Variants in AP3B1 observed in about 807,000 individuals in gnomAD.
The protein encoded by AP3B1 is adaptor related protein complex 3 subunit beta 1, also known as AP-3 complex subunit beta-1.
AP3B1 carries 61 observed loss-of-function variants against 132.5 expected under a neutral mutation model. That is an observed-to-expected ratio of 0.46 (90% confidence interval 0.37 to 0.57). The LOEUF is 0.57. Among genes scored for constraint, AP3B1 ranks in the 20% least tolerant of loss-of-function variants. The pLI, the probability that AP3B1 is intolerant of heterozygous loss-of-function variation, is 0.00. For synonymous variants in AP3B1, 388 were observed against 438.3 expected (o/e 0.89, Z 1.43); for missense variants, 1,120 against 1,289.4 (o/e 0.87, Z 2.01).
chr5:78,271,857 C>A (rs1009363451), intron 1 of AP3B1, among the ~76,000 whole-genome samples: 11 of 152,162 alleles, frequency 7.2e-5, no homozygotes, highest in African/African-American at 2.7e-4. Flanking sequence ...ATATTTTACC[C>A]CAAAATATGC....
At chr5:78,064,615 AT>A (rs1749202675) in intron 22 of AP3B1, among the ~76,000 whole-genome samples, 1 of 152,154 alleles carries the variant, frequency 6.6e-6, no homozygotes, top group Admixed American at 6.5e-5. Flanking sequence ...TGTGCTTTAA[AT>A]TTTTAGATCT....
At chr5:78,209,098 A>G (rs1289714809) in intron 7 of AP3B1, among the ~76,000 whole-genome samples, 3 of 150,490 alleles carry the variant, frequency 2.0e-5, no homozygotes, top group African/African-American at 7.3e-5. Context: ...AGGTAAATAC[A>G]CACACACACA....
chr5:78,118,514 C>A (rs761421477), intron 17 of AP3B1, among the ~76,000 whole-genome samples: 1 of 146,610 alleles, frequency 6.8e-6, no homozygotes, highest in Non-Finnish European at 1.5e-5. Context: ...AAACGGCACA[C>A]CAGGAGATTA....
chr5:78,018,576 A>G (rs1252540527), intron 25 of AP3B1, among the ~76,000 whole-genome samples: 2 of 152,030 alleles, frequency 1.3e-5, no homozygotes, highest in African/African-American at 4.8e-5. Flanking sequence ...CACATTTAAC[A>G]TACTTCTTGA....
At chr5:78,276,884 AAGAAG>A in intron 1 of AP3B1, among the ~76,000 whole-genome samples, 2 of 92,744 alleles carry the variant, frequency 2.2e-5, no homozygotes, top group Non-Finnish European at 2.9e-5. Flanking sequence ...AAAAAAAAAG[AAGAAG>A]AAGCAAATTT....
intron 23 of AP3B1, among the ~76,000 whole-genome samples, chr5:78,035,096 G>A (rs1000052093): frequency 6.6e-6 from 1 of 151,758 alleles, no homozygotes; most frequent in Non-Finnish European, 1.5e-5. Flanking sequence ...AATTTCAGAA[G>A]CTTCATCTAT....
At chr5:78,250,685 A>C (rs1747592509) in intron 2 of AP3B1, among the ~76,000 whole-genome samples, 1 of 152,192 alleles carries the variant, frequency 6.6e-6, no homozygotes, top group Non-Finnish European at 1.5e-5. Context: ...TGAATAAATT[A>C]TATGGGGAAA....
chr5:78,177,526 G>C, intron 8 of AP3B1, 90 bp from the exon 9 acceptor site: 1 of 975,488 alleles, frequency 1.0e-6, no homozygotes, highest in African/African-American at 1.6e-5. Flanking sequence ...TTTCCTCTAA[G>C]TCCTACAAAT....
At chr5:78,268,074 T>G (rs1561210964) in intron 1 of AP3B1, among the ~76,000 whole-genome samples, 1 of 152,160 alleles carries the variant, frequency 6.6e-6, no homozygotes, top group Non-Finnish European at 1.5e-5. Context: ...AAACACCTAC[T>G]TCTTCCTAAT....
chr5:78,191,617 A>G (rs1326157797), intron 7 of AP3B1, among the ~76,000 whole-genome samples: 5 of 152,170 alleles, frequency 3.3e-5, no homozygotes, highest in Non-Finnish European at 5.9e-5. Context: ...AGTGAACTCA[A>G]GATTGTTGAA....
At chr5:78,143,081 A>G (rs1215449552) in intron 14 of AP3B1, among the ~76,000 whole-genome samples, 1 of 152,098 alleles carries the variant, frequency 6.6e-6, no homozygotes, top group African/African-American at 2.4e-5. Flanking sequence ...GTTATGCTAG[A>G]TTTATTTTTC....
At chr5:78,178,119 G>A (rs1438615472) in intron 8 of AP3B1, among the ~76,000 whole-genome samples, 1 of 152,160 alleles carries the variant, frequency 6.6e-6, no homozygotes, top group East Asian at 1.9e-4. Flanking sequence ...CTCTGAGACT[G>A]GGGCTTTTTA....
intron 22 of AP3B1, chr5:78,087,684 T>C: frequency 2.0e-6 from 2 of 985,358 alleles, no homozygotes; most frequent in Non-Finnish European, 2.4e-6. Context: ...AGAGACCATC[T>C]CAATAAATAC....
intron 1 of AP3B1, among the ~76,000 whole-genome samples, chr5:78,272,674 AAAG>A (rs1328340891): frequency 6.6e-6 from 1 of 152,246 alleles, no homozygotes; most frequent in African/African-American, 2.4e-5. Flanking sequence ...TACAGAAAGG[AAAG>A]AAGGAGGCAA....
At chr5:78,041,235 T>C (rs1341272686) in intron 22 of AP3B1, among the ~76,000 whole-genome samples, 4 of 150,346 alleles carry the variant, frequency 2.7e-5, no homozygotes, top group Non-Finnish European at 4.4e-5. Context: ...GATCGCGCCA[T>C]TGCACTCCAG....
intron 8 of AP3B1, among the ~76,000 whole-genome samples, chr5:78,179,586 G>A (rs1366315170): frequency 1.3e-5 from 2 of 152,138 alleles, no homozygotes; most frequent in Non-Finnish European, 2.9e-5. Context: ...CATCATGCCT[G>A]TTCATAATAA....
intron 22 of AP3B1, among the ~76,000 whole-genome samples, chr5:78,074,366 T>C (rs1046744947): frequency 4.6e-5 from 7 of 152,074 alleles, no homozygotes; most frequent in South Asian, 2.1e-4. Flanking sequence ...GGCTAGGCAA[T>C]GGAAGCACAA....
At chr5:78,273,317 C>A (rs376543713) in intron 1 of AP3B1, among the ~76,000 whole-genome samples, 22 of 152,218 alleles carry the variant, frequency 1.4e-4, no homozygotes, top group Middle Eastern at 3.4e-3. Flanking sequence ...GTGGGAGAAT[C>A]TTGAGCACAA....
At chr5:78,154,181 AG>A (rs1743043071) in intron 14 of AP3B1, among the ~76,000 whole-genome samples, 1 of 152,128 alleles carries the variant, frequency 6.6e-6, no homozygotes, top group African/African-American at 2.4e-5. Context: ...TGTCTGGGAA[AG>A]TCTTTATTTC....
Sources: allele counts gnomAD v4.1 joint callset (sites outside exome capture counted in the v4.1 genomes callset), GRCh38; gene constraint gnomAD v4.1.1; transcripts MANE v1.5; gene names NCBI Gene and HGNC (gene_info 2026-07-23, HGNC 2026-07-21).